POGLUT3: variants seen among roughly 807,000 people sequenced by gnomAD.
The protein encoded by POGLUT3 is protein O-glucosyltransferase 3, also known as KDEL (Lys-Asp-Glu-Leu) containing 2.
In POGLUT3, 48 loss-of-function variants were observed where a neutral mutation model predicts 54.3. That is an observed-to-expected ratio of 0.88 (90% CI 0.70 to 1.12). The LOEUF (loss-of-function observed/expected upper bound fraction) is 1.12. POGLUT3 is among the 50% of genes most tolerant of loss of function. The pLI is 0.00. For synonymous variants in POGLUT3, 218 were observed against 237.4 expected (o/e 0.92, Z 0.75); for missense variants, 629 against 618.7 (o/e 1.02, Z -0.18).
intron 2 of POGLUT3, among the ~76,000 whole-genome samples, chr11:108,487,461 G>A (rs1305056779): frequency 6.6e-6 from 1 of 152,200 alleles, no homozygotes; most frequent in Non-Finnish European, 1.5e-5. Flanking sequence ...AGGGAGCTTC[G>A]AGGCTGTAGT....
In POGLUT3 at chr11:108,479,171, G is replaced by A. The variant is rs1368184483; in HGVS notation, c.1293+130C>T. ...TGCTGATTCTTTAGATATTTCAAGG[G>A]AACAGCAATTTCAGAAAATAATATT... On this transcript the variant is annotated intron_variant, in intron 6 of 7. Transcript: ENST00000323468. 1.2e-5 allele frequency: 8 copies of A among 643,710 alleles called. No homozygotes were observed. In the East Asian group the frequency reaches 2.6e-4, roughly 21 times the overall value. 39.9% of individuals were successfully genotyped at this position (643,710 alleles called of 1,614,324 possible).
At chr11:108,484,092 G>C (rs2093598077) in intron 3 of POGLUT3, among the ~76,000 whole-genome samples, 1 of 152,058 alleles carries the variant, frequency 6.6e-6, no homozygotes, top group African/African-American at 2.4e-5. Context: ...ATGGGGTTGG[G>C]GGGTGCTATC....
chr11:108,496,917 G>A (rs2093623255), intron 1 of POGLUT3, among the ~76,000 whole-genome samples: 1 of 152,158 alleles, frequency 6.6e-6, no homozygotes, highest in African/African-American at 2.4e-5. Flanking sequence ...CGAACACCAC[G>A]GTCTCCTACG....
chr11:108,492,935 T>C (rs1591645769), intron 1 of POGLUT3, among the ~76,000 whole-genome samples: 1 of 152,334 alleles, frequency 6.6e-6, no homozygotes, highest in East Asian at 1.9e-4. Flanking sequence ...GATCGAAATC[T>C]GAAGAGGAAA....
chr11:108,475,212 G>A (rs2093578324), intron 7 of POGLUT3, among the ~76,000 whole-genome samples: 1 of 152,168 alleles, frequency 6.6e-6, no homozygotes, highest in South Asian at 2.1e-4. Context: ...CAAAAGGGAT[G>A]CCAAGCCAGA....
At chr11:108,486,620 C>A in intron 2 of POGLUT3, 180 bp from the exon 3 acceptor site, 1 of 629,120 alleles carries the variant, frequency 1.6e-6, no homozygotes, top group Non-Finnish European at 2.7e-6. Context: ...CTTTTCACAC[C>A]ACCTTGGATA....
chr11:108,484,307 A>G (rs1348479151), intron 3 of POGLUT3, among the ~76,000 whole-genome samples: 1 of 152,194 alleles, frequency 6.6e-6, no homozygotes, highest in East Asian at 1.9e-4. Flanking sequence ...GGAAGAGAGC[A>G]CTACCTTTAG....
intron 5 of POGLUT3, among the ~76,000 whole-genome samples, chr11:108,480,831 T>G (rs1015480805): frequency 3.3e-5 from 5 of 150,844 alleles, no homozygotes; most frequent in African/African-American, 4.9e-5. Context: ...TTTCTATTTA[T>G]AAAAGACATT....
At position 108,473,888 on chromosome 11, in the gene POGLUT3, T is replaced by C. The variant is rs1172679899; in HGVS notation, c.*939A>G. On this transcript the variant is annotated 3_prime_UTR_variant, in exon 8 of 8. Transcript: ENST00000323468. ...GTCTCGGGCTTTGGCAAAATTTAGT[T>C]TAAAGGATATGAGTAGTGCTTTAAA... The C allele has an allele frequency of 6.6e-6, 1 of 152,168 alleles. No homozygotes were observed. Among genetic ancestry groups the C allele is most frequent in the Non-Finnish European group, 1.5e-5 (1 of 68,024 alleles). 9.4% of individuals were successfully genotyped at this position (152,168 alleles called of 1,614,324 possible). A position where few individuals can be genotyped will look rare whatever the true frequency, so the allele number is the denominator to read the frequency against.
Position 108,484,936 on chromosome 11 carries a change from A to C in POGLUT3, c.684+1221T>G, listed in dbSNP as rs770322621. Among the ~76,000 whole-genome samples, 27 of 152,056 alleles carry C rather than the reference A, an allele frequency of 1.8e-4. 1 individual carries two copies. Among genetic ancestry groups the C allele is most frequent in the Admixed American group, 7.9e-4 (12 of 15,258 alleles). ...TCTGCAAATGTGGAAAGAGAGGCTG[A>C]ATAGTGAGATAAGGGGGCGCTATTG... On this transcript the variant is annotated intron_variant, in intron 3 of 7. Coordinates refer to ENST00000323468, the MANE Select transcript of POGLUT3 (RefSeq NM_153705.5).
rs890014293 is a variant in POGLUT3, at chr11:108,477,711, C to T, written c.1294G>A (p.Glu432Lys). ...ATCTTCTTGGCTTCTTCATCATTTTCCTGAAAGGTTAAAAAAAATAAAAAT... is the reference window on the plus strand; with the variant it reads ...ATCTTCTTGGCTTCTTCATCATTTTTCTGAAAGGTTAAAAAAAATAAAAAT... ...DLLEKVKWAK[E>K]NDEEAKKIAK... Residue 432 changes from glutamate (E) to lysine (K), a missense_variant and splice_region_variant, in exon 7 of 8, where the codon GAA becomes AAA. Transcript: ENST00000323468. The T allele has an allele frequency of 1.3e-6, 2 of 1,595,642 alleles. No homozygotes were observed. The highest frequency in any genetic ancestry group is 1.3e-5 in the African/African-American group (1 of 74,382).
intron 2 of POGLUT3, among the ~76,000 whole-genome samples, chr11:108,487,705 A>G (rs774689586): frequency 3.0e-4 from 45 of 150,780 alleles, no homozygotes; most frequent in South Asian, 2.1e-4. Flanking sequence ...TCCTCCTCCC[A>G]TGCTCAAGTG....
chr11:108,474,483 A>T lies in POGLUT3; in HGVS notation c.*344T>A, dbSNP rs963837117. On this transcript the variant is annotated 3_prime_UTR_variant, in exon 8 of 8. Coordinates refer to ENST00000323468, the MANE Select transcript of POGLUT3 (RefSeq NM_153705.5). ...TATACAAACTTTGTTTCATGCACAA[A>T]TTATTAAAAATATTATATAAAATTA... 6.4e-6 allele frequency: 1 copy of T among 155,474 alleles called. No homozygotes were observed. The highest frequency in any genetic ancestry group is 1.4e-5 in the Non-Finnish European group (1 of 70,294). 9.6% of individuals were successfully genotyped at this position (155,474 alleles called of 1,614,324 possible).
chr11:108,487,706 T>C (rs2135858303), intron 2 of POGLUT3, among the ~76,000 whole-genome samples: 1 of 151,026 alleles, frequency 6.6e-6, no homozygotes, highest in South Asian at 2.1e-4. Flanking sequence ...CCTCCTCCCA[T>C]GCTCAAGTGA....
intron 1 of POGLUT3, among the ~76,000 whole-genome samples, chr11:108,495,968 T>C (rs1020558638): frequency 1.3e-5 from 2 of 152,162 alleles, no homozygotes; most frequent in Non-Finnish European, 2.9e-5. Context: ...AAACTGTCTG[T>C]AAACTTTTTC....
chr11:108,484,515 C>A (rs377140777), intron 3 of POGLUT3, among the ~76,000 whole-genome samples: 1 of 152,154 alleles, frequency 6.6e-6, no homozygotes, highest in Non-Finnish European at 1.5e-5. Context: ...ATGCTGAGCA[C>A]TTTGGGAGGC....
At chr11:108,491,616 G>A (rs911895992) in intron 1 of POGLUT3, 2 of 177,108 alleles carry the variant, frequency 1.1e-5, no homozygotes, top group Non-Finnish European at 2.4e-5. Context: ...TCAAACTCCT[G>A]ACTTCAAGCG....
intron 1 of POGLUT3, among the ~76,000 whole-genome samples, chr11:108,496,602 A>G (rs778534521): frequency 3.3e-5 from 5 of 151,362 alleles, no homozygotes; most frequent in Admixed American, 6.6e-5. Context: ...GAATTATTTT[A>G]CCTAAATGCA....
intron 1 of POGLUT3, 72 bp from the exon 2 acceptor site, chr11:108,491,239 T>A: frequency 8.3e-7 from 1 of 1,207,210 alleles, no homozygotes; most frequent in East Asian, 2.5e-5. Context: ...ATAGGTGTTA[T>A]TGGATAACTT....
Sources: gnomAD v4.1 joint callset for allele counts (sites outside exome capture counted in the v4.1 genomes callset) on GRCh38, gnomAD v4.1.1 for gene constraint, MANE v1.5 for transcripts, NCBI Gene and HGNC (gene_info 2026-07-23, HGNC 2026-07-21) for gene names.